Variants in DTNA observed in about 807,000 individuals in gnomAD.
DTNA encodes dystrophin-related protein 3.
In DTNA, 43 loss-of-function variants were observed where a neutral mutation model predicts 100.7. The observed-to-expected ratio is 0.43, with a 90% CI of 0.33 to 0.55. The LOEUF is 0.55. Ranked by LOEUF, DTNA falls within the 20% of genes least tolerant of loss-of-function variation. The pLI is 0.04. For synonymous variants in DTNA, 349 were observed against 347.9 expected, an observed-to-expected ratio of 1.00 and a Z score of -0.04; for missense variants, 798 against 953.9, an observed-to-expected ratio of 0.84 and a Z score of 2.15.
At position 34,852,339 on chromosome 18, in the gene DTNA, G is replaced by A. The variant is rs1262791116; in HGVS notation, c.1532+411G>A. The stretch of plus-strand genomic sequence containing the variant: ...CCTGGAAGGACCCTGAGCTAAAGAG[G>A]CATCTGGAGAGACACCACCATCACC... On this transcript the variant is annotated intron_variant, in intron 15 of 22. Transcript: ENST00000444659. Among the ~76,000 whole-genome samples the A allele has an allele frequency of 3.3e-5, 5 of 151,820 alleles. No individual in the cohort carries two copies. In the East Asian group the frequency reaches 9.7e-4, roughly 29 times the overall value.
chr18:34,721,789 A>G (rs551299617), intron 1 of DTNA, among the ~76,000 whole-genome samples: 7 of 150,886 alleles, frequency 4.6e-5, no homozygotes, highest in East Asian at 1.9e-4. Flanking sequence ...TGTACCACAC[A>G]CTGTCTGTAT....
intron 3 of DTNA, among the ~76,000 whole-genome samples, chr18:34,777,746 T>A (rs902641436): frequency 7.9e-5 from 12 of 152,312 alleles, no homozygotes; most frequent in Admixed American, 5.9e-4. Context: ...CTCACTATTA[T>A]GAGAACAGCA....
Position 34,829,427 on chromosome 18 carries a change from C to A in DTNA, c.1113C>A (p.Ser371Arg), listed in dbSNP as rs1326712640. Reference protein sequence around the residue: ...RRLPEGISASSPVAEEHSLIK... With the variant: ...RRLPEGISASRPVAEEHSLIK... ...TACCTGAGGGAATAAGTGCATCCAG[C>A]CCTGTGGCTGAAGAGCATTCCCTCA... is the stretch of plus-strand genomic sequence containing the variant. Residue 371 changes from serine (S) to arginine (R), a missense_variant, in exon 11 of 23, where the codon AGC (serine) becomes AGA (arginine). Ser to Arg is a moderately radical substitution (Grantham distance 110). Around this residue, in one of 6 missense-constraint regions of DTNA, gnomAD observed 93 missense variants for 90.5 expected, o/e 1.03. Transcript: ENST00000444659. 6.5e-7 allele frequency: 1 copy of A among 1,534,932 alleles called. No individual in the cohort carries two copies. The highest frequency in any genetic ancestry group is 2.0e-5 in the Admixed American group (1 of 50,948).
chr18:34,575,411 G>A (rs1816696), intron 1 of DTNA, among the ~76,000 whole-genome samples: 29,528 of 151,964 alleles, frequency 0.19, 3,339 homozygotes, highest in African/African-American at 0.3. Context: ...CCAACACCTA[G>A]TGACCACTGT....
intron 1 of DTNA, among the ~76,000 whole-genome samples, chr18:34,682,091 T>A (rs1366740468): frequency 6.6e-6 from 1 of 152,188 alleles, no homozygotes; most frequent in Non-Finnish European, 1.5e-5. Flanking sequence ...CTCAGTAATA[T>A]GCATTTAAGT....
intron 1 of DTNA, among the ~76,000 whole-genome samples, chr18:34,673,290 C>G (rs1274367740): frequency 1.3e-5 from 2 of 151,814 alleles, no homozygotes; most frequent in African/African-American, 4.8e-5. Flanking sequence ...TATTTTTTCT[C>G]TATACAATTT....
chr18:34,886,124 T>C (rs1376622988), intron 22 of DTNA, among the ~76,000 whole-genome samples: 3 of 152,218 alleles, frequency 2.0e-5, no homozygotes, highest in Admixed American at 6.5e-5. Context: ...TTGCTATTAA[T>C]AATTTGAAAA....
chr18:34,587,888 A>G (rs1168202670), intron 1 of DTNA, among the ~76,000 whole-genome samples: 1 of 152,150 alleles, frequency 6.6e-6, no homozygotes, highest in Non-Finnish European at 1.5e-5. Flanking sequence ...CCTGTATCCC[A>G]GGAAATCCCT....
At chr18:34,521,419 C>T (rs1263659132) in intron 1 of DTNA, among the ~76,000 whole-genome samples, 1 of 152,174 alleles carries the variant, frequency 6.6e-6, no homozygotes, top group Non-Finnish European at 1.5e-5. Flanking sequence ...TCAGAATGAA[C>T]CAAGAATAAT....
rs918196951 is a variant in DTNA, at chr18:34,888,764, C to T, written c.*1030C>T. The T allele has an allele frequency of 2.0e-6, 2 of 985,766 alleles. No individual in the cohort carries two copies. Among genetic ancestry groups the T allele is most frequent in the Non-Finnish European group, 2.4e-6 (2 of 829,942 alleles). 61.1% of individuals were successfully genotyped at this position (985,766 alleles called of 1,614,324 possible). A position where few individuals can be genotyped will look rare whatever the true frequency, so the allele number is the denominator to read the frequency against. ...TTGGCTTTAGGAAGCATGTCTTTAA[C>T]AGCACCGCTCGTTCACAAGTTCCCC... On this transcript the variant is annotated 3_prime_UTR_variant, in exon 23 of 23. Coordinates refer to ENST00000444659, the MANE Select transcript of DTNA (RefSeq NM_001386795.1).
intron 1 of DTNA, among the ~76,000 whole-genome samples, chr18:34,548,934 C>T (rs985645429): frequency 1.2e-4 from 18 of 152,076 alleles, no homozygotes; most frequent in Non-Finnish European, 2.4e-4. Context: ...CACTTAGATT[C>T]AAATCAAGTC....
intron 3 of DTNA, among the ~76,000 whole-genome samples, chr18:34,784,866 A>C (rs74411161): frequency 6.6e-6 from 1 of 151,836 alleles, no homozygotes. Context: ...GCATATGGCA[A>C]TCTTTCTCCA....
intron 1 of DTNA, chr18:34,494,034 C>G (rs2038881846): frequency 6.6e-6 from 1 of 150,930 alleles, no homozygotes; most frequent in African/African-American, 2.4e-5. Context: ...AAATCTCCCC[C>G]GCCCTCGAAG....
intron 17 of DTNA, among the ~76,000 whole-genome samples, chr18:34,871,626 G>C (rs1012582789): frequency 2.6e-5 from 4 of 152,276 alleles, no homozygotes; most frequent in Middle Eastern, 3.4e-3. Context: ...TCCCACCGAG[G>C]CCACTTCCTG....
intron 1 of DTNA, among the ~76,000 whole-genome samples, chr18:34,620,542 T>C (rs1452973660): frequency 6.6e-6 from 1 of 152,210 alleles, no homozygotes; most frequent in East Asian, 1.9e-4. Flanking sequence ...AAAGGAAATA[T>C]CTTTAATTGG....
rs2096936345 is a variant in DTNA at position 34,887,757 on chromosome 18, TA to T, written c.*32-8del. 1 of 985,342 alleles carries T rather than the reference TA, an allele frequency of 1.0e-6. No individual in the cohort carries two copies. Among genetic ancestry groups the T allele is most frequent in the Admixed American group, 6.2e-5 (1 of 16,260 alleles). 61.0% of individuals were successfully genotyped at this position (985,342 alleles called of 1,614,324 possible). ...TCTTTAAAAAAAATTACACATTCCT[TA>T]TTCCCAGGCAAGCTATAGTCAGACA... On this transcript the variant is annotated splice_region_variant and splice_polypyrimidine_tract_variant and intron_variant, in intron 22 of 22. Coordinates refer to ENST00000444659, the MANE Select transcript of DTNA (RefSeq NM_001386795.1).
At chr18:34,714,034 G>A (rs955248772) in intron 1 of DTNA, among the ~76,000 whole-genome samples, 2 of 151,106 alleles carry the variant, frequency 1.3e-5, no homozygotes, top group African/African-American at 2.4e-5. Flanking sequence ...GCCATATGTA[G>A]AAAGCTGAAA....
chr18:34,865,189 G>A (rs2096681939), intron 17 of DTNA, among the ~76,000 whole-genome samples: 2 of 152,230 alleles, frequency 1.3e-5, no homozygotes, highest in African/African-American at 2.4e-5. Flanking sequence ...CTTTCAGTCC[G>A]TGGATGTCCC....
At chr18:34,580,289 C>T (rs1373665192) in intron 1 of DTNA, among the ~76,000 whole-genome samples, 1 of 152,076 alleles carries the variant, frequency 6.6e-6, no homozygotes, top group Non-Finnish European at 1.5e-5. Context: ...CCTGCTATAT[C>T]CAACATTTGA....
Sources: allele counts gnomAD v4.1 joint callset (sites outside exome capture counted in the v4.1 genomes callset), GRCh38; gene constraint gnomAD v4.1.1; regional missense constraint gnomAD v4.1.1; transcripts MANE v1.5; gene names NCBI Gene and HGNC (gene_info 2026-07-23, HGNC 2026-07-21).